EPHB1: variants seen among roughly 807,000 people sequenced by gnomAD.
EPHB1 encodes the protein ephrin type-B receptor 1.
Under a neutral mutation model 94.4 loss-of-function variants are expected in EPHB1, and 30 were observed. That is an observed-to-expected ratio of 0.32 (90% CI 0.24 to 0.43). The LOEUF (loss-of-function observed/expected upper bound fraction) is 0.43, where lower values mean the gene tolerates loss of function less well. EPHB1 is among the 20% of genes least tolerant of loss of function. The pLI, the probability that EPHB1 is intolerant of heterozygous loss-of-function variation, is 1.00. For synonymous variants in EPHB1, 522 were observed against 489.1 expected, an observed-to-expected ratio of 1.07 and a Z score of -0.89; for missense variants, 1,055 against 1,308.3, an observed-to-expected ratio of 0.81 and a Z score of 2.99.
At chr3:135,007,231 T>C (rs1239305520) in intron 3 of EPHB1, among the ~76,000 whole-genome samples, 1 of 152,212 alleles carries the variant, frequency 6.6e-6, no homozygotes, top group East Asian at 1.9e-4. Flanking sequence ...AGCAATTCTC[T>C]AGACACTCCC....
At chr3:135,245,828 A>G (rs1282495764) in intron 13 of EPHB1, among the ~76,000 whole-genome samples, 1 of 151,270 alleles carries the variant, frequency 6.6e-6, no homozygotes, top group African/African-American at 2.4e-5. Flanking sequence ...AAAAAAAAAA[A>G]AGCCAATGAG....
intron 15 of EPHB1, among the ~76,000 whole-genome samples, chr3:135,253,008 T>A (rs1383970835): frequency 6.6e-6 from 1 of 150,452 alleles, no homozygotes; most frequent in Non-Finnish European, 1.5e-5. Flanking sequence ...GCTGCATAAA[T>A]GTCTTCTTTT....
At chr3:135,128,628 T>A (rs1366867749) in intron 4 of EPHB1, among the ~76,000 whole-genome samples, 2 of 152,218 alleles carry the variant, frequency 1.3e-5, no homozygotes, top group Admixed American at 1.3e-4. Context: ...GTGCTTTTTT[T>A]TTCATAACAC....
chr3:135,098,008 C>T (rs1035823813), intron 3 of EPHB1, among the ~76,000 whole-genome samples: 6 of 152,156 alleles, frequency 3.9e-5, no homozygotes, highest in East Asian at 1.9e-4. Flanking sequence ...GCCCTGTGCA[C>T]GAACCACCTC....
intron 13 of EPHB1, among the ~76,000 whole-genome samples, chr3:135,246,223 G>T (rs1943920759): frequency 6.6e-6 from 1 of 152,092 alleles, no homozygotes. Context: ...AGCTCCTCCT[G>T]CTGGCCCTAC....
chr3:135,039,151 A>G (rs1936744256), intron 3 of EPHB1, among the ~76,000 whole-genome samples: 1 of 152,130 alleles, frequency 6.6e-6, no homozygotes, highest in African/African-American at 2.4e-5. Context: ...AGCTTGAGCT[A>G]GATACAGAGT....
chr3:135,046,570 G>C (rs999814087), intron 3 of EPHB1, among the ~76,000 whole-genome samples: 2 of 152,180 alleles, frequency 1.3e-5, no homozygotes, highest in Admixed American at 6.5e-5. Flanking sequence ...ACCCCTTGGT[G>C]TCTGTGTGTT....
intron 1 of EPHB1, among the ~76,000 whole-genome samples, chr3:134,925,208 G>A (rs1488026613): frequency 6.6e-6 from 1 of 152,166 alleles, no homozygotes; most frequent in Non-Finnish European, 1.5e-5. Flanking sequence ...GCTGGGATGT[G>A]GGATGTGTGT....
At chr3:134,903,457 G>T (rs925097077) in intron 1 of EPHB1, among the ~76,000 whole-genome samples, 3 of 152,224 alleles carry the variant, frequency 2.0e-5, no homozygotes, top group Non-Finnish European at 4.4e-5. Flanking sequence ...CAAGGCCTAG[G>T]ATGTGCTGAC....
chr3:134,945,131 A>T (rs1326661005), intron 2 of EPHB1, among the ~76,000 whole-genome samples: 1 of 152,178 alleles, frequency 6.6e-6, no homozygotes, highest in African/African-American at 2.4e-5. Flanking sequence ...CTCTTTATAT[A>T]TTAGGGGATA....
intron 12 of EPHB1, among the ~76,000 whole-genome samples, chr3:135,222,670 A>G (rs1207059284): frequency 1.3e-5 from 2 of 152,168 alleles, no homozygotes; most frequent in Non-Finnish European, 1.5e-5. Context: ...CTTTGTGTTA[A>G]ATTTTAATTT....
intron 3 of EPHB1, among the ~76,000 whole-genome samples, chr3:134,995,630 T>TA (rs1216447185): frequency 3.3e-5 from 5 of 151,954 alleles, no homozygotes; most frequent in Middle Eastern, 3.4e-3. Context: ...ATGGCTAAAA[T>TA]AAAAAAAATG....
At position 134,795,488 on chromosome 3, in the gene EPHB1, G is replaced by A; in HGVS notation, c.-144G>A. 1.3e-6 allele frequency: 1 copy of A among 757,336 alleles called. No homozygotes were observed. Among genetic ancestry groups the A allele is most frequent in the Non-Finnish European group, 2.1e-6 (1 of 483,992 alleles). 46.9% of individuals were successfully genotyped at this position (757,336 alleles called of 1,614,324 possible). A position where few individuals can be genotyped will look rare whatever the true frequency, so the allele number is the denominator to read the frequency against. ...ACACACTCCTGCCCACGCCCACGCA[G>A]CGCTCCGGGAAGTCCGGTCCGGGCG... is the stretch of plus-strand genomic sequence containing the variant. On this transcript the variant is annotated 5_prime_UTR_variant, in exon 1 of 16. Transcript: ENST00000398015.
At chr3:135,236,504 A>G (rs1943655792) in intron 12 of EPHB1, among the ~76,000 whole-genome samples, 1 of 152,166 alleles carries the variant, frequency 6.6e-6, no homozygotes, top group Non-Finnish European at 1.5e-5. Context: ...TCAATAATTT[A>G]TTGTTTAATG....
intron 7 of EPHB1, among the ~76,000 whole-genome samples, chr3:135,164,781 C>T (rs1941603502): frequency 6.9e-6 from 1 of 145,214 alleles, no homozygotes; most frequent in Non-Finnish European, 1.5e-5. Flanking sequence ...TGCACTCCAC[C>T]CTGGGTGACA....
intron 4 of EPHB1, among the ~76,000 whole-genome samples, chr3:135,113,945 A>C (rs1369856185): frequency 6.6e-6 from 1 of 152,200 alleles, no homozygotes; most frequent in East Asian, 1.9e-4. Flanking sequence ...ACTCCAGAGC[A>C]AGGTTCAGTA....
chr3:134,962,006 G>T (rs1048090577), intron 3 of EPHB1, among the ~76,000 whole-genome samples: 2 of 152,144 alleles, frequency 1.3e-5, no homozygotes, highest in Non-Finnish European at 1.5e-5. Context: ...AAGTAAAATT[G>T]CTGAATAAGA....
At chr3:134,916,133 T>C (rs375341406) in intron 1 of EPHB1, among the ~76,000 whole-genome samples, 7 of 151,760 alleles carry the variant, frequency 4.6e-5, no homozygotes, top group African/African-American at 1.2e-4. Flanking sequence ...AGAGTGCTGA[T>C]TGGTGTATTT....
chr3:134,885,291 G>T, intron 1 of EPHB1, among the ~76,000 whole-genome samples: 1 of 152,240 alleles, frequency 6.6e-6, no homozygotes, highest in Non-Finnish European at 1.5e-5. Flanking sequence ...GAAGAATAAT[G>T]AACAGAGCAT....
Sources: gnomAD v4.1 joint callset for allele counts (sites outside exome capture counted in the v4.1 genomes callset) on GRCh38, gnomAD v4.1.1 for gene constraint, MANE v1.5 for transcripts, NCBI Gene and HGNC (gene_info 2026-07-23, HGNC 2026-07-21) for gene names.